MAP3K11: variants seen among roughly 807,000 people sequenced by gnomAD.
MAP3K11 encodes mitogen-activated protein kinase kinase kinase 11.
A neutral mutation model predicts 84.9 loss-of-function variants in MAP3K11; 46 were observed. The ratio of observed to expected loss-of-function variants is 0.54; its 90% CI spans 0.43 to 0.69. The LOEUF is 0.69. Ranked by LOEUF, MAP3K11 falls within the 30% of genes least tolerant of loss-of-function variation. The pLI, the probability that MAP3K11 is intolerant of heterozygous loss-of-function variation, is 0.00. For synonymous variants in MAP3K11, 527 were observed against 514.7 expected, an observed-to-expected ratio of 1.02 and a Z score of -0.32; for missense variants, 1,053 against 1,198.3, an observed-to-expected ratio of 0.88 and a Z score of 1.79.
intron 1 of MAP3K11, chr11:65,608,719 G>A: frequency 2.5e-6 from 1 of 395,848 alleles, no homozygotes. Context: ...CTGGGTTCAA[G>A]CGATTGTCCT....
Position 65,599,664 on chromosome 11 carries a change from G to T in MAP3K11, c.1936C>A (p.Leu646Met), listed in dbSNP as rs1162788032. ...GAGGCGAGCAGGGCGGTGCCGCGCAGCAGCGCCCGCTGGATCAGCTTGGGC... is the reference window on the plus strand; with the variant it reads ...GAGGCGAGCAGGGCGGTGCCGCGCATCAGCGCCCGCTGGATCAGCTTGGGC... ...GTPKLIQRAL[L>M]RGTALLASLG... Residue 646 changes from leucine (L) to methionine (M), a missense_variant, in exon 9 of 10, where the codon CTG becomes ATG. Leu to Met is a conservative substitution (Grantham distance 15). This residue lies in a region of MAP3K11 where 583 missense variants were observed against 566.6 expected (regional missense o/e 1.03). Transcript: ENST00000309100. 5 of 1,550,446 alleles carry T rather than the reference G, an allele frequency of 3.2e-6. No individual in the cohort carries two copies. The African/African-American group carries it at 5.4e-5, about 17-fold the overall frequency.
rs766321466 is a variant in MAP3K11 at position 65,613,771 on chromosome 11, G to A, written c.-15C>T. 8 of 1,530,534 alleles carry A rather than the reference G, an allele frequency of 5.2e-6. No homozygotes were observed. Among genetic ancestry groups the A allele is most frequent in the East Asian group, 2.3e-5 (1 of 43,972 alleles). 94.8% of individuals were successfully genotyped at this position (1,530,534 alleles called of 1,614,324 possible). A position where few individuals can be genotyped will look rare whatever the true frequency, so the allele number is the denominator to read the frequency against. On this transcript the variant is annotated 5_prime_UTR_variant, in exon 1 of 10. Coordinates refer to ENST00000309100, the MANE Select transcript of MAP3K11 (RefSeq NM_002419.4). Reference sequence around the variant, plus strand: ...AAGGGCTCCATGGCCGGGAGCCGGCGCTGGGATGTGTGGAGGACCTTCTCT... The same window carrying A: ...AAGGGCTCCATGGCCGGGAGCCGGCACTGGGATGTGTGGAGGACCTTCTCT...
At chr11:65,604,540 C>T (rs1001446403) in intron 8 of MAP3K11, among the ~76,000 whole-genome samples, 5 of 152,262 alleles carry the variant, frequency 3.3e-5, no homozygotes, top group Admixed American at 1.3e-4. Context: ...GATCAAATCC[C>T]TGCTCTACTG....
intron 8 of MAP3K11, among the ~76,000 whole-genome samples, chr11:65,603,382 G>C (rs1348548530): frequency 6.6e-6 from 1 of 152,252 alleles, no homozygotes; most frequent in Middle Eastern, 3.2e-3. Context: ...GGTCTCACAG[G>C]GAGGACACAG....
At chr11:65,605,008 T>C (rs928372599) in intron 8 of MAP3K11, among the ~76,000 whole-genome samples, 2 of 152,130 alleles carry the variant, frequency 1.3e-5, no homozygotes, top group African/African-American at 4.8e-5. Context: ...TGAGAAGCCC[T>C]TTCTTCAAGT....
chr11:65,613,707 T>C lies in MAP3K11; in HGVS notation c.50A>G (p.Asn17Ser), dbSNP rs1854612891. 1.9e-6 allele frequency: 2 copies of C among 1,068,182 alleles called. No individual in the cohort carries two copies. Among genetic ancestry groups the C allele is most frequent in the Non-Finnish European group, 2.8e-6 (2 of 725,322 alleles). 66.2% of individuals were successfully genotyped at this position (1,068,182 alleles called of 1,614,324 possible). A position where few individuals can be genotyped will look rare whatever the true frequency, so the allele number is the denominator to read the frequency against. The change falls in exon 1 of 10, where the codon AAT becomes AGT. Residue 17 changes from asparagine (N) to serine (S), a missense_variant. Transcript: ENST00000309100. ...CCCACCACCCCCGCTGCCACTGCCA[T>C]TCCATGACCCTAGAGGGCTCTTGAG... ...LFLKSPLGSW[N>S]GSGSGGGGGG...
Position 65,605,959 on chromosome 11 carries a change from C to A in MAP3K11, c.1726G>T (p.Ala576Ser). Reference protein sequence around the residue: ...WGPSSPKPGEAQNGRRRSRMD... With the variant: ...WGPSSPKPGESQNGRRRSRMD... ...TCAGGTACTCACCTCCCATTCTGGG[C>A]TTCCCCAGGCTTGGGGGAACTGGGA... is the stretch of plus-strand genomic sequence containing the variant. Residue 576 changes from alanine to serine, a missense_variant, in exon 7 of 10, where the codon GCC (alanine) becomes TCC (serine). Ala to Ser is a moderately conservative substitution (Grantham distance 99). Coordinates refer to ENST00000309100, the MANE Select transcript of MAP3K11 (RefSeq NM_002419.4). 5 of 1,602,484 alleles carry A rather than the reference C, an allele frequency of 3.1e-6. No homozygotes were observed. The highest frequency in any genetic ancestry group is 3.4e-6 in the Non-Finnish European group (4 of 1,176,510).
At position 65,613,801 on chromosome 11, in the gene MAP3K11, GC is replaced by G. The variant is rs760593585; in HGVS notation, c.-46del. ...GATGTGTGGAGGACCTTCTCTGGGTGCCCGTGGTCCCCACCCCCGCTGGCTG... is the reference window on the plus strand; with the variant it reads ...GATGTGTGGAGGACCTTCTCTGGGTGCCGTGGTCCCCACCCCCGCTGGCTG... On this transcript the variant is annotated 5_prime_UTR_variant, in exon 1 of 10. Transcript: ENST00000309100. The G allele has an allele frequency of 6.8e-6, 10 of 1,480,618 alleles. No individual in the cohort carries two copies. The African/African-American group carries it at 1.4e-4, about 21-fold the overall frequency. The allele number at this position is 1,480,618 out of a possible 1,614,324, so 91.7% of individuals were successfully genotyped here.
At chr11:65,612,048 C>T (rs1233379333) in intron 1 of MAP3K11, 2 of 152,244 alleles carry the variant, frequency 1.3e-5, no homozygotes, top group African/African-American at 4.8e-5. Context: ...CACGTTGACC[C>T]CCCTCTAAGA....
chr11:65,607,600 G>GA (rs1204317385), intron 4 of MAP3K11, 41 bp downstream of exon 4: 3 of 1,573,370 alleles, frequency 1.9e-6, no homozygotes, highest in African/African-American at 1.3e-5. Context: ...GGAGATCGGG[G>GA]AGACACTCGT....
chr11:65,599,795 G>A, intron 8 of MAP3K11, 27 bp from the exon 9 acceptor site: 1 of 1,583,804 alleles, frequency 6.3e-7, no homozygotes, highest in Non-Finnish European at 8.5e-7. Flanking sequence ...CACAGGTGAG[G>A]GTGTGGCTGG....
At position 65,598,239 on chromosome 11, in the gene MAP3K11, T is replaced by C. The variant is rs1401475094; in HGVS notation, c.*52A>G. ...CTGACCCAGCTCCTGTTCCAGTGTA[T>C]GCTGTGACTCCTCCTAAGGCAGCTG... On this transcript the variant is annotated 3_prime_UTR_variant, in exon 10 of 10. Coordinates refer to ENST00000309100, the MANE Select transcript of MAP3K11 (RefSeq NM_002419.4). The C allele has an allele frequency of 7.4e-7, 1 of 1,359,778 alleles. No homozygotes were observed. The allele number at this position is 1,359,778 out of a possible 1,614,324, so 84.2% of individuals were successfully genotyped here. A position where few individuals can be genotyped will look rare whatever the true frequency, so the allele number is the denominator to read the frequency against.
chr11:65,606,839 T>C (rs772694332), intron 5 of MAP3K11, 35 bp from the exon 6 acceptor site: 45 of 1,447,702 alleles, frequency 3.1e-5, no homozygotes, highest in Non-Finnish European at 4.1e-5. Context: ...GGGTTCAGGT[T>C]TGTGATGAAG....
chr11:65,609,608 C>G (rs1274485135), intron 1 of MAP3K11: 1 of 152,264 alleles, frequency 6.6e-6, no homozygotes, highest in Non-Finnish European at 1.5e-5. Flanking sequence ...CATGAAGGGT[C>G]TGAAGGGCCC....
chr11:65,598,504 A>T lies in MAP3K11; in HGVS notation c.2331T>A (p.Asp777Glu). Residue 777 changes from aspartate to glutamate, a missense_variant, in exon 10 of 10, where the codon GAT becomes GAA. Asp to Glu is a conservative substitution (Grantham distance 45, BLOSUM62 2). This residue lies in a region of MAP3K11 where 583 missense variants were observed against 566.6 expected (regional missense o/e 1.03). Coordinates refer to ENST00000309100, the MANE Select transcript of MAP3K11 (RefSeq NM_002419.4). ...GCCCAGCTGACACAAAGCTCCAGGG[A>T]TCAATGCGGCTGCGAAGGGGCGAGG... ...PRPSPLRSRIDPWSFVSAGPR... is the reference protein window; with the variant it reads ...PRPSPLRSRIEPWSFVSAGPR... 6.2e-7 allele frequency: 1 copy of T among 1,613,674 alleles called. No homozygotes were observed. Among genetic ancestry groups the T allele is most frequent in the Non-Finnish European group, 8.5e-7 (1 of 1,179,798 alleles).
rs774092295 is a variant in MAP3K11, at chr11:65,613,558, G to A, written c.199C>T (p.Arg67Cys). ...GCGTCCCGGGACAGCACCTCCACACGGTCACCCTTCCTCAGGGCCAGCTCA... is the reference window on the plus strand; with the variant it reads ...GCGTCCCGGGACAGCACCTCCACACAGTCACCCTTCCTCAGGGCCAGCTCA... ...QDELALRKGD[R>C]VEVLSRDAAI... The change falls in exon 1 of 10, where the codon CGT becomes TGT. Residue 67 changes from arginine to cysteine, a missense_variant. Around this residue, in one of 3 missense-constraint regions of MAP3K11, gnomAD observed 160 missense variants for 167.3 expected, o/e 0.96. Coordinates refer to ENST00000309100, the MANE Select transcript of MAP3K11 (RefSeq NM_002419.4). 1.1e-5 allele frequency: 18 copies of A among 1,611,896 alleles called. No homozygotes were observed. The highest frequency in any genetic ancestry group is 5.3e-5 in the African/African-American group (4 of 74,880).
Position 65,598,350 on chromosome 11 carries a change from T to C in MAP3K11, c.2485A>G (p.Arg829Gly). ...NPFQGGPQDC[R>G]AQTKDMGAQA... ...GCACCCATGTCTTTGGTCTGTGCCC[T>C]GCAGTCCTGGGGGCCCCCCTGGAAG... The change falls in exon 10 of 10, where the codon AGG becomes GGG. Residue 829 changes from arginine to glycine, a missense_variant. Physicochemically the swap from Arg to Gly is moderately radical, Grantham distance 125. Transcript: ENST00000309100. 1 of 1,529,224 alleles carries C rather than the reference T, an allele frequency of 6.5e-7. No individual in the cohort carries two copies. Among genetic ancestry groups the C allele is most frequent in the Non-Finnish European group, 8.8e-7 (1 of 1,136,796 alleles). The allele number at this position is 1,529,224 out of a possible 1,614,324, so 94.7% of individuals were successfully genotyped here.
chr11:65,606,255 G>A (rs1218747081), intron 6 of MAP3K11, 174 bp from the exon 7 acceptor site: 7 of 637,104 alleles, frequency 1.1e-5, no homozygotes, highest in Non-Finnish European at 1.7e-5. Flanking sequence ...AGTGGGGTGG[G>A]GCATCTCATC....
chr11:65,598,952 A>C (rs901911547), intron 9 of MAP3K11, among the ~76,000 whole-genome samples: 4 of 152,128 alleles, frequency 2.6e-5, no homozygotes, highest in Non-Finnish European at 4.4e-5. Context: ...GTTATGACTA[A>C]ATGAGACCAT....
Sources: allele counts gnomAD v4.1 joint callset (sites outside exome capture counted in the v4.1 genomes callset), GRCh38; gene constraint gnomAD v4.1.1; regional missense constraint gnomAD v4.1.1; transcripts MANE v1.5; gene names NCBI Gene and HGNC (gene_info 2026-07-23, HGNC 2026-07-21).